CRLF3: variants seen among roughly 807,000 people sequenced by gnomAD.
CRLF3 encodes the protein cytokine receptor-like factor 3.
CRLF3 carries 33 observed loss-of-function variants against 55.0 expected under a neutral mutation model. The ratio of observed to expected loss-of-function variants is 0.60; its 90% CI spans 0.46 to 0.80. The LOEUF is 0.80. Among genes scored for constraint, CRLF3 ranks in the 30% least tolerant of loss-of-function variants. The probability of loss-of-function intolerance (pLI) is 0.00; values close to 1 mark genes in which losing one functional copy is unlikely to be tolerated. For synonymous variants in CRLF3, 238 were observed against 196.8 expected, an observed-to-expected ratio of 1.21 and a Z score of -1.75; for missense variants, 494 against 538.4, an observed-to-expected ratio of 0.92 and a Z score of 0.82.
intron 5 of CRLF3, chr17:30,792,773 T>C (rs1489261615): frequency 1.7e-5 from 8 of 458,742 alleles, no homozygotes; most frequent in Admixed American, 3.4e-5. Flanking sequence ...CTGCATAATT[T>C]TGACATAATA....
chr17:30,800,750 G>A (rs1000960326), intron 2 of CRLF3, among the ~76,000 whole-genome samples: 2 of 150,410 alleles, frequency 1.3e-5, no homozygotes, highest in African/African-American at 2.4e-5. Flanking sequence ...GGGACAACTT[G>A]TGTGTGCCAC....
At chr17:30,799,296 A>T (rs992982633) in intron 2 of CRLF3, among the ~76,000 whole-genome samples, 1 of 152,202 alleles carries the variant, frequency 6.6e-6, no homozygotes, top group South Asian at 2.1e-4. Flanking sequence ...TTAATTAATT[A>T]AATTAAATTT....
rs571075100 is a variant in CRLF3, at chr17:30,788,220, C to A, written c.960-2189G>T. ...GCAGGCGCCTGTAGTCCCAGCTACT[C>A]AGGAGGCTGAGGTGAGAGGGTCGCT... On this transcript the variant is annotated intron_variant, in intron 6 of 7. Transcript: ENST00000324238. Among the ~76,000 whole-genome samples the A allele has an allele frequency of 2.2e-3, 340 of 151,138 alleles. 6 individuals carry two copies. The South Asian group carries it at 0.041, about 18-fold the overall frequency.
intron 1 of CRLF3, among the ~76,000 whole-genome samples, chr17:30,814,773 A>T (rs1304270188): frequency 1.3e-5 from 2 of 152,140 alleles, no homozygotes; most frequent in Admixed American, 1.3e-4. Flanking sequence ...AGCTCGAGGC[A>T]GGTGGATCAC....
chr17:30,791,835 A>C (rs1225840896), intron 6 of CRLF3, among the ~76,000 whole-genome samples: 4 of 149,826 alleles, frequency 2.7e-5, no homozygotes, highest in South Asian at 4.2e-4. Context: ...AATTTTTAAG[A>C]TTTACTTTTT....
intron 6 of CRLF3, among the ~76,000 whole-genome samples, chr17:30,791,262 G>A (rs1971794035): frequency 6.6e-6 from 1 of 151,776 alleles, no homozygotes; most frequent in Non-Finnish European, 1.5e-5. Context: ...GTAAAGATGG[G>A]GTTTCACCAT....
rs927720567 is a variant in CRLF3 at position 30,784,150 on chromosome 17, G to A, written c.*37C>T. On this transcript the variant is annotated 3_prime_UTR_variant, in exon 8 of 8. Transcript: ENST00000324238. Reference sequence around the variant, plus strand: ...ACTACGCTGGGCTGAGGACAGCTACGTTAGACCCTGAAAACCAAAGCCAAG... The same window carrying A: ...ACTACGCTGGGCTGAGGACAGCTACATTAGACCCTGAAAACCAAAGCCAAG... 2.5e-6 allele frequency: 4 copies of A among 1,594,552 alleles called. No individual in the cohort carries two copies. The highest frequency in any genetic ancestry group is 1.7e-5 in the Admixed American group (1 of 57,946).
intron 1 of CRLF3, among the ~76,000 whole-genome samples, chr17:30,805,991 C>G (rs1362519734): frequency 6.6e-6 from 1 of 152,106 alleles, no homozygotes; most frequent in Non-Finnish European, 1.5e-5. Flanking sequence ...CCACTGCACT[C>G]TAGCTTGGGT....
At chr17:30,815,432 G>A (rs1382557116) in intron 1 of CRLF3, among the ~76,000 whole-genome samples, 2 of 151,738 alleles carry the variant, frequency 1.3e-5, no homozygotes, top group African/African-American at 2.4e-5. Flanking sequence ...ATGTTGGCCA[G>A]GCTGGTCTTG....
intron 1 of CRLF3, 22 bp downstream of exon 1, chr17:30,824,501 C>T (rs1307687436): frequency 2.5e-6 from 4 of 1,576,522 alleles, no homozygotes; most frequent in Non-Finnish European, 3.4e-6. Flanking sequence ...CCACAGCGCC[C>T]CTGTGGGTGT....
rs749884808 is a variant in CRLF3 at position 30,796,384 on chromosome 17, A to T, written c.426-47T>A. Reference sequence around the variant, plus strand: ...GTTATGAGACCTCTAACTGAGAGTTAAAAAATACAAGAAATATTTTAGAGC... The same window carrying T: ...GTTATGAGACCTCTAACTGAGAGTTTAAAAATACAAGAAATATTTTAGAGC... On this transcript the variant is annotated intron_variant, in intron 3 of 7. Coordinates refer to ENST00000324238, the MANE Select transcript of CRLF3 (RefSeq NM_015986.4). 3.5e-6 allele frequency: 5 copies of T among 1,434,816 alleles called. No homozygotes were observed. The African/African-American group carries it at 5.7e-5, about 16-fold the overall frequency. 88.9% of individuals were successfully genotyped at this position (1,434,816 alleles called of 1,614,324 possible). A position where few individuals can be genotyped will look rare whatever the true frequency, so the allele number is the denominator to read the frequency against.
At chr17:30,824,472 A>C (rs1485101414) in intron 1 of CRLF3, 51 bp downstream of exon 1, 9 of 1,523,814 alleles carry the variant, frequency 5.9e-6, no homozygotes, top group Non-Finnish European at 6.1e-6. Context: ...TTCGCCCGGC[A>C]TCCGCGCCAC....
At chr17:30,791,363 G>A (rs1045479382) in intron 6 of CRLF3, among the ~76,000 whole-genome samples, 1 of 151,712 alleles carries the variant, frequency 6.6e-6, no homozygotes, top group African/African-American at 2.4e-5. Context: ...GAGCCATTGC[G>A]CCTGTCCTAA....
chr17:30,797,409 G>T lies in CRLF3; in HGVS notation c.338-11C>A. On this transcript the variant is annotated splice_polypyrimidine_tract_variant and intron_variant, in intron 2 of 7. Coordinates refer to ENST00000324238, the MANE Select transcript of CRLF3 (RefSeq NM_015986.4). ...GCATGGCGATTTCACCTACAATCAA[G>T]AATAAGAGAACTAGAACAATGAAAA... The T allele has an allele frequency of 1.9e-6, 3 of 1,599,760 alleles. No homozygotes were observed. Among genetic ancestry groups the T allele is most frequent in the Non-Finnish European group, 2.6e-6 (3 of 1,167,176 alleles).
chr17:30,793,332 C>T, intron 5 of CRLF3, 118 bp downstream of exon 5: 1 of 730,440 alleles, frequency 1.4e-6, no homozygotes, highest in African/African-American at 1.8e-5. Flanking sequence ...GCATGTTGTT[C>T]TTATCAATTC....
intron 1 of CRLF3, among the ~76,000 whole-genome samples, chr17:30,815,919 G>C (rs1042419371): frequency 6.7e-6 from 1 of 150,238 alleles, no homozygotes; most frequent in Non-Finnish European, 1.5e-5. Flanking sequence ...GCAGCTTTCA[G>C]AGTACCATAT....
At chr17:30,787,433 T>C (rs921239730) in intron 6 of CRLF3, 11 of 152,192 alleles carry the variant, frequency 7.2e-5, no homozygotes, top group African/African-American at 2.2e-4. Context: ...TGTGTTTTCA[T>C]TTCAGATGTC....
chr17:30,811,404 A>T (rs1391194861), intron 1 of CRLF3, among the ~76,000 whole-genome samples: 1 of 151,910 alleles, frequency 6.6e-6, no homozygotes, highest in Non-Finnish European at 1.5e-5. Flanking sequence ...CAGTGAGCCG[A>T]GATCACGCCA....
At chr17:30,788,888 G>A (rs1481812886) in intron 6 of CRLF3, among the ~76,000 whole-genome samples, 1 of 151,950 alleles carries the variant, frequency 6.6e-6, no homozygotes, top group East Asian at 1.9e-4. Context: ...TTACAGGCGT[G>A]AGCCACCGTG....
Sources: allele counts gnomAD v4.1 joint callset (sites outside exome capture counted in the v4.1 genomes callset), GRCh38; gene constraint gnomAD v4.1.1; transcripts MANE v1.5; gene names NCBI Gene and HGNC (gene_info 2026-07-23, HGNC 2026-07-21).